NOS1AP: variants seen among roughly 807,000 people sequenced by gnomAD.
The protein encoded by NOS1AP is nitric oxide synthase 1 adaptor protein, also known as carboxyl-terminal PDZ ligand of neuronal nitric oxide synthase protein.
NOS1AP carries 21 observed loss-of-function variants against 56.2 expected under a neutral mutation model. The observed-to-expected ratio is 0.37, with a 90% CI of 0.26 to 0.54. The LOEUF is 0.54. Among genes scored for constraint, NOS1AP ranks in the 20% least tolerant of loss-of-function variants. The pLI is 0.84. For missense variants in NOS1AP, 522 were observed against 657.8 expected (o/e 0.79, Z 2.26); for synonymous variants, 270 against 274.6 (o/e 0.98, Z 0.17).
intron 1 of NOS1AP, 75 bp downstream of exon 1, chr1:162,070,357 C>A: frequency 1.6e-6 from 2 of 1,241,124 alleles, no homozygotes; most frequent in Non-Finnish European, 2.4e-6. Context: ...GGATGCACAG[C>A]CGTCCTGGAC....
intron 2 of NOS1AP, among the ~76,000 whole-genome samples, chr1:162,178,058 G>T (rs900414984): frequency 6.6e-6 from 1 of 152,090 alleles, no homozygotes; most frequent in African/African-American, 2.4e-5. Flanking sequence ...CTATAATTTT[G>T]CCTTTTCCAG....
At chr1:162,233,976 G>A (rs1298476924) in intron 2 of NOS1AP, among the ~76,000 whole-genome samples, 1 of 152,188 alleles carries the variant, frequency 6.6e-6, no homozygotes, top group Non-Finnish European at 1.5e-5. Flanking sequence ...AACCTACTTT[G>A]AGAAACACAT....
chr1:162,165,818 ACT>A (rs1270842282), intron 2 of NOS1AP, among the ~76,000 whole-genome samples: 3 of 150,716 alleles, frequency 2.0e-5, no homozygotes, highest in Admixed American at 6.6e-5. Flanking sequence ...ATTTTATGAA[ACT>A]CTTTTTGGAG....
intron 6 of NOS1AP, among the ~76,000 whole-genome samples, chr1:162,349,451 C>T (rs975311419): frequency 2.6e-5 from 4 of 152,146 alleles, no homozygotes; most frequent in African/African-American, 9.7e-5. Context: ...GAGCCATGGG[C>T]TAGAGGAGCC....
At chr1:162,088,687 G>A (rs2102020833) in intron 1 of NOS1AP, among the ~76,000 whole-genome samples, 1 of 152,262 alleles carries the variant, frequency 6.6e-6, no homozygotes, top group East Asian at 1.9e-4. Flanking sequence ...ATGGCAGCAG[G>A]CCAAGACGGT....
chr1:162,300,457 T>C (rs1483018528), intron 3 of NOS1AP, among the ~76,000 whole-genome samples, 176 bp from the exon 4 acceptor site: 3 of 152,210 alleles, frequency 2.0e-5, no homozygotes, highest in Non-Finnish European at 4.4e-5. Flanking sequence ...TGGAGGAAAC[T>C]GATCAGACTA....
chr1:162,147,330 T>C (rs565537282), intron 1 of NOS1AP, among the ~76,000 whole-genome samples: 128 of 78,750 alleles, frequency 1.6e-3, no homozygotes, highest in African/African-American at 7.5e-3. Context: ...AGACTCCGTC[T>C]CAAAAAAAAA....
chr1:162,289,192 TTTCC>T (rs1257607965), intron 3 of NOS1AP, among the ~76,000 whole-genome samples: 14 of 129,362 alleles, frequency 1.1e-4, no homozygotes, highest in Non-Finnish European at 1.5e-4. Flanking sequence ...TTTGCCTTTC[TTTCC>T]TTCCTTCCTT....
At chr1:162,254,955 T>A (rs893802968) in intron 2 of NOS1AP, among the ~76,000 whole-genome samples, 2 of 152,210 alleles carry the variant, frequency 1.3e-5, no homozygotes, top group African/African-American at 4.8e-5. Flanking sequence ...TTTCTATTAT[T>A]CCTTCTTCCT....
rs1654202081 is a variant in NOS1AP at position 162,261,266 on chromosome 1, C to T, written c.178-26078C>T. On this transcript the variant is annotated intron_variant, in intron 2 of 9. Coordinates refer to ENST00000361897, the MANE Select transcript of NOS1AP (RefSeq NM_014697.3). Reference sequence around the variant, plus strand: ...CAGTCCTATCTTTCAAAATCAATAACATTTAATTACAATATTTTATAACCT... The same window carrying T: ...CAGTCCTATCTTTCAAAATCAATAATATTTAATTACAATATTTTATAACCT... Among the ~76,000 whole-genome samples the T allele has an allele frequency of 1.4e-5, 2 of 138,264 alleles. 1 individual carries two copies. The highest frequency in any genetic ancestry group is 3.1e-5 in the Non-Finnish European group (2 of 65,428). The allele number at this position is 138,264 out of a possible 152,430, so 90.7% of individuals were successfully genotyped here.
rs117061206 is a variant in NOS1AP at position 162,167,695 on chromosome 1, A to G, written c.177+13219A>G. Among the ~76,000 whole-genome samples the G allele has an allele frequency of 8.4e-4, 128 of 152,280 alleles. 1 individual carries two copies. The East Asian group carries it at 0.024, about 28-fold the overall frequency. On this transcript the variant is annotated intron_variant, in intron 2 of 9. Transcript: ENST00000361897. ...GGGGTCTCTCCCGAGCCGCTAAGACATAGTCCTCATTCATATTGGGTGTTG... is the reference window on the plus strand; with the variant it reads ...GGGGTCTCTCCCGAGCCGCTAAGACGTAGTCCTCATTCATATTGGGTGTTG...
chr1:162,088,092 A>G (rs942427154), intron 1 of NOS1AP, among the ~76,000 whole-genome samples: 1 of 152,134 alleles, frequency 6.6e-6, no homozygotes, highest in Non-Finnish European at 1.5e-5. Context: ...GGCAAAGGAT[A>G]AAAAAGATTT....
chr1:162,307,771 A>G (rs1209158659), intron 4 of NOS1AP, among the ~76,000 whole-genome samples: 1 of 151,810 alleles, frequency 6.6e-6, no homozygotes, highest in Non-Finnish European at 1.5e-5. Flanking sequence ...AGATTGCACC[A>G]CTGCACTCCT....
intron 1 of NOS1AP, among the ~76,000 whole-genome samples, chr1:162,142,191 A>G (rs1649263405): frequency 6.6e-6 from 1 of 152,192 alleles, no homozygotes; most frequent in African/African-American, 2.4e-5. Flanking sequence ...CTGACAGAAG[A>G]TCTAAATGCC....
chr1:162,345,719 T>C (rs1020005668), intron 6 of NOS1AP, among the ~76,000 whole-genome samples: 12 of 152,184 alleles, frequency 7.9e-5, no homozygotes, highest in African/African-American at 2.7e-4. Context: ...TGTGTGATCT[T>C]GGGCAAGTTC....
intron 1 of NOS1AP, among the ~76,000 whole-genome samples, chr1:162,112,281 C>T (rs76288973): frequency 0.026 from 3,960 of 152,256 alleles, 161 homozygotes; most frequent in African/African-American, 0.089. Context: ...AACAAAAGTA[C>T]CATATATTGT....
chr1:162,251,975 G>T (rs1412049027), intron 2 of NOS1AP, among the ~76,000 whole-genome samples: 2 of 144,484 alleles, frequency 1.4e-5, no homozygotes, highest in African/African-American at 5.0e-5. Context: ...GATTATAGGT[G>T]TGAGCCACCA....
intron 1 of NOS1AP, among the ~76,000 whole-genome samples, chr1:162,105,453 G>C (rs1362390484): frequency 6.6e-6 from 1 of 152,212 alleles, no homozygotes; most frequent in Non-Finnish European, 1.5e-5. Context: ...CATTAGGGGG[G>C]TACCATTCCT....
chr1:162,362,488 A>G lies in NOS1AP; in HGVS notation c.940-2916A>G, dbSNP rs373061061. Among the ~76,000 whole-genome samples the G allele has an allele frequency of 2.4e-3, 371 of 151,860 alleles. 2 individuals are homozygous for G. The highest frequency in any genetic ancestry group is 8.4e-3 in the African/African-American group (346 of 41,390). ...AGAAAAAAGAAAGAAAGAAAAGAAAAGAAAAGAAACTGACTCTGCAGTATG... is the reference window on the plus strand; with the variant it reads ...AGAAAAAAGAAAGAAAGAAAAGAAAGGAAAAGAAACTGACTCTGCAGTATG... On this transcript the variant is annotated intron_variant, in intron 8 of 9. Coordinates refer to ENST00000361897, the MANE Select transcript of NOS1AP (RefSeq NM_014697.3).
Sources: allele counts gnomAD v4.1 joint callset (sites outside exome capture counted in the v4.1 genomes callset), GRCh38; gene constraint gnomAD v4.1.1; transcripts MANE v1.5; gene names NCBI Gene and HGNC (gene_info 2026-07-23, HGNC 2026-07-21).